ZFPM2: variants seen among roughly 807,000 people sequenced by gnomAD.
ZFPM2 encodes zinc finger protein, FOG family member 2, also known as zinc finger protein ZFPM2.
In ZFPM2, 20 loss-of-function variants were observed where a neutral mutation model predicts 98.6. That is an observed-to-expected ratio of 0.20 (90% CI 0.14 to 0.29). ZFPM2 has a LOEUF of 0.29. Ranked by LOEUF, ZFPM2 falls within the 10% of genes least tolerant of loss-of-function variation. The pLI is 1.00. For synonymous variants in ZFPM2, 518 were observed against 502.7 expected (o/e 1.03, Z -0.41); for missense variants, 1,310 against 1,388.6 (o/e 0.94, Z 0.90).
intron 3 of ZFPM2, among the ~76,000 whole-genome samples, chr8:105,525,552 T>C (rs1814157241): frequency 6.6e-6 from 1 of 152,194 alleles, no homozygotes; most frequent in Admixed American, 6.5e-5. Context: ...GACTGGTGAC[T>C]TGGTCAATGT....
intron 3 of ZFPM2, among the ~76,000 whole-genome samples, chr8:105,483,608 T>A (rs898559032): frequency 9.9e-5 from 15 of 151,868 alleles, no homozygotes; most frequent in Admixed American, 6.6e-4. Flanking sequence ...AAAAAAATGT[T>A]TACGTTCAGT....
At chr8:105,581,013 G>A (rs1815584257) in intron 4 of ZFPM2, among the ~76,000 whole-genome samples, 1 of 151,752 alleles carries the variant, frequency 6.6e-6, no homozygotes, top group South Asian at 2.1e-4. Flanking sequence ...CTAAACTTCT[G>A]TGTTTTATTA....
At chr8:105,734,820 T>C (rs993516905) in intron 5 of ZFPM2, among the ~76,000 whole-genome samples, 1 of 151,744 alleles carries the variant, frequency 6.6e-6, no homozygotes, top group African/African-American at 2.4e-5. Context: ...TGTGTTCCTG[T>C]AAACATTTTA....
At chr8:105,336,979 G>A in intron 1 of ZFPM2, among the ~76,000 whole-genome samples, 1 of 151,732 alleles carries the variant, frequency 6.6e-6, no homozygotes, top group Non-Finnish European at 1.5e-5. Flanking sequence ...GACGGTTCTG[G>A]AGTTAATACA....
chr8:105,666,199 A>T (rs1304138537), intron 5 of ZFPM2, among the ~76,000 whole-genome samples: 1 of 152,124 alleles, frequency 6.6e-6, no homozygotes, highest in African/African-American at 2.4e-5. Flanking sequence ...GACCACTGCC[A>T]TCTCACATAA....
intron 1 of ZFPM2, among the ~76,000 whole-genome samples, chr8:105,402,865 G>A (rs1811368488): frequency 2.0e-5 from 3 of 152,024 alleles, no homozygotes; most frequent in Admixed American, 1.3e-4. Flanking sequence ...ACTTTATGAT[G>A]TAGTTTCTGA....
chr8:105,648,600 A>G (rs1468926026), intron 5 of ZFPM2, among the ~76,000 whole-genome samples: 1 of 152,204 alleles, frequency 6.6e-6, no homozygotes, highest in Non-Finnish European at 1.5e-5. Context: ...ACATATGGCT[A>G]GCCAGTTTTC....
intron 1 of ZFPM2, among the ~76,000 whole-genome samples, chr8:105,418,076 TAG>T (rs1811713616): frequency 6.6e-6 from 1 of 152,158 alleles, no homozygotes; most frequent in African/African-American, 2.4e-5. Flanking sequence ...ATATAAATTG[TAG>T]TATATGCACT....
At chr8:105,522,030 T>C (rs181614644) in intron 3 of ZFPM2, among the ~76,000 whole-genome samples, 1 of 152,228 alleles carries the variant, frequency 6.6e-6, no homozygotes, top group Non-Finnish European at 1.5e-5. Flanking sequence ...CATCCAGATA[T>C]TGTTTCATGC....
chr8:105,740,846 G>A (rs942430765), intron 5 of ZFPM2, among the ~76,000 whole-genome samples: 1 of 151,962 alleles, frequency 6.6e-6, no homozygotes, highest in East Asian at 1.9e-4. Context: ...ATATGTTGTG[G>A]ACAAAAAGAC....
intron 1 of ZFPM2, among the ~76,000 whole-genome samples, chr8:105,376,207 G>A (rs1331029551): frequency 6.6e-6 from 1 of 152,070 alleles, no homozygotes; most frequent in African/African-American, 2.4e-5. Flanking sequence ...CCTCCTTCTT[G>A]AAGCACGTTC....
intron 5 of ZFPM2, among the ~76,000 whole-genome samples, chr8:105,757,091 A>G (rs1199845204): frequency 6.6e-6 from 1 of 152,206 alleles, no homozygotes; most frequent in Non-Finnish European, 1.5e-5. Context: ...GGCATATTTC[A>G]TGCAACATAA....
chr8:105,355,389 T>C (rs1350781283), intron 1 of ZFPM2, among the ~76,000 whole-genome samples: 1 of 152,222 alleles, frequency 6.6e-6, no homozygotes, highest in Non-Finnish European at 1.5e-5. Context: ...GTATCTTTTT[T>C]TGCTGGCTAA....
chr8:105,515,568 G>A (rs1234931369), intron 3 of ZFPM2, among the ~76,000 whole-genome samples: 1 of 152,058 alleles, frequency 6.6e-6, no homozygotes, highest in East Asian at 1.9e-4. Flanking sequence ...CTGCATTCTT[G>A]TATTATTTAG....
intron 5 of ZFPM2, among the ~76,000 whole-genome samples, chr8:105,721,519 A>T (rs1399099895): frequency 1.3e-5 from 2 of 152,002 alleles, no homozygotes; most frequent in South Asian, 2.1e-4. Flanking sequence ...CACTTTTTTT[A>T]AAAAAAGTAA....
intron 5 of ZFPM2, among the ~76,000 whole-genome samples, chr8:105,653,051 A>G (rs189507679): frequency 6.6e-6 from 1 of 152,220 alleles, no homozygotes; most frequent in African/African-American, 2.4e-5. Context: ...TGGACTGTGA[A>G]AGACATTTAG....
intron 1 of ZFPM2, among the ~76,000 whole-genome samples, chr8:105,320,256 TTGTGTGTGTGTGTGTG>T (rs71305141): frequency 2.1e-5 from 3 of 142,260 alleles, no homozygotes; most frequent in East Asian, 2.1e-4. Context: ...ATTCAGATCT[TTGTGTGTGTGTGTGTG>T]TGTGTGTGTG....
intron 4 of ZFPM2, among the ~76,000 whole-genome samples, chr8:105,561,711 A>G (rs1357206797): frequency 6.6e-6 from 1 of 152,166 alleles, no homozygotes; most frequent in Non-Finnish European, 1.5e-5. Flanking sequence ...TGTGGCTAGT[A>G]AGGTAATATG....
At chr8:105,657,313 A>G (rs1817304613) in intron 5 of ZFPM2, among the ~76,000 whole-genome samples, 1 of 152,006 alleles carries the variant, frequency 6.6e-6, no homozygotes. Flanking sequence ...TAATTTTTGT[A>G]TTCTTAGTAG....
Sources: gnomAD v4.1 joint callset for allele counts (sites outside exome capture counted in the v4.1 genomes callset) on GRCh38, gnomAD v4.1.1 for gene constraint, MANE v1.5 for transcripts, NCBI Gene and HGNC (gene_info 2026-07-23, HGNC 2026-07-21) for gene names.